The following ANKS1B variants were observed in gnomAD, a reference collection of about 807,000 sequenced individuals.
The protein encoded by ANKS1B is ankyrin repeat and sterile alpha motif domain containing 1B, also known as ankyrin repeat and sterile alpha motif domain-containing protein 1B.
ANKS1B carries 36 observed loss-of-function variants against 148.3 expected under a neutral mutation model. The ratio of observed to expected loss-of-function variants is 0.24; its 90% CI spans 0.19 to 0.32. ANKS1B has a LOEUF of 0.32. ANKS1B is among the 10% of genes least tolerant of loss of function. ANKS1B has a pLI of 1.00. For missense variants in ANKS1B, 1,157 were observed against 1,542.6 expected (o/e 0.75, Z 4.19); for synonymous variants, 542 against 560.8 (o/e 0.97, Z 0.47).
At chr12:99,210,814 A>G (rs2083252373) in intron 14 of ANKS1B, among the ~76,000 whole-genome samples, 1 of 152,222 alleles carries the variant, frequency 6.6e-6, no homozygotes, top group Non-Finnish European at 1.5e-5. Flanking sequence ...AACTCTTGGC[A>G]TTCCTAATAT....
chr12:98,980,846 G>A (rs1454932878), intron 17 of ANKS1B, among the ~76,000 whole-genome samples: 1 of 152,036 alleles, frequency 6.6e-6, no homozygotes, highest in Non-Finnish European at 1.5e-5. Context: ...GCTGTTTTGG[G>A]TTACCCTTCC....
rs2087847935 is a variant in ANKS1B at position 99,332,791 on chromosome 12, C to G, written c.1756+66840G>C. Reference sequence around the variant, plus strand: ...AGAAGGGTGTACAAGGGAGAGGAAACAATCTTAACAAAGGCTCAAGGGCAA... The same window carrying G: ...AGAAGGGTGTACAAGGGAGAGGAAAGAATCTTAACAAAGGCTCAAGGGCAA... On this transcript the variant is annotated intron_variant, in intron 12 of 26. Transcript: ENST00000683438. Among the ~76,000 whole-genome samples the G allele has an allele frequency of 2.0e-5, 3 of 151,462 alleles. No homozygotes were observed. The South Asian group carries it at 6.2e-4, about 31-fold the overall frequency.
At chr12:99,447,445 A>T (rs772775855) in intron 10 of ANKS1B, among the ~76,000 whole-genome samples, 17 of 151,996 alleles carry the variant, frequency 1.1e-4, no homozygotes, top group Non-Finnish European at 2.2e-4. Flanking sequence ...ACCACTCTCT[A>T]AAAAAACATT....
chr12:99,556,984 G>A (rs1053838259), intron 9 of ANKS1B, among the ~76,000 whole-genome samples: 1 of 152,158 alleles, frequency 6.6e-6, no homozygotes, highest in Admixed American at 6.5e-5. Flanking sequence ...TCAAGTTTAG[G>A]TCCCAAATAT....
rs374159852 is a variant in ANKS1B, at chr12:99,903,472, A to G, written c.135-78083T>C. 2.1e-4 allele frequency among the ~76,000 whole-genome samples: 32 copies of G among 152,336 alleles called. No homozygotes were observed. The East Asian group carries it at 2.1e-3, about 10-fold the overall frequency. ...GAAATGCCCTCTGTAATTGGAGGGAATAAGGCTGATACCCAGAGAGAAGCA... is the reference window on the plus strand; with the variant it reads ...GAAATGCCCTCTGTAATTGGAGGGAGTAAGGCTGATACCCAGAGAGAAGCA... On this transcript the variant is annotated intron_variant, in intron 1 of 26. Coordinates refer to ENST00000683438, the MANE Select transcript of ANKS1B (RefSeq NM_001352186.2).
intron 8 of ANKS1B, among the ~76,000 whole-genome samples, chr12:99,741,964 A>AC (rs920279550): frequency 1.3e-5 from 2 of 152,144 alleles, no homozygotes; most frequent in African/African-American, 4.8e-5. Context: ...ATATGGATGG[A>AC]CCTAGAGGCC....
At chr12:99,872,019 A>T (rs547451227) in intron 1 of ANKS1B, among the ~76,000 whole-genome samples, 1 of 152,308 alleles carries the variant, frequency 6.6e-6, no homozygotes, top group Non-Finnish European at 1.5e-5. Flanking sequence ...ATTAACAACT[A>T]TTATTCGTCA....
At chr12:99,788,199 G>A (rs1274084412) in intron 4 of ANKS1B, among the ~76,000 whole-genome samples, 1 of 152,196 alleles carries the variant, frequency 6.6e-6, no homozygotes, top group Non-Finnish European at 1.5e-5. Context: ...CAGTGCAAGT[G>A]CAATTCACAA....
At chr12:99,121,321 A>ATGTG (rs57560069) in intron 15 of ANKS1B, among the ~76,000 whole-genome samples, 6,692 of 142,778 alleles carry the variant, frequency 0.047, 158 homozygotes, top group Non-Finnish European at 0.051. Flanking sequence ...GTATGTAGGT[A>ATGTG]TGTGTGTGTG....
intron 17 of ANKS1B, among the ~76,000 whole-genome samples, chr12:99,018,560 T>C (rs192158039): frequency 5.9e-5 from 9 of 152,352 alleles, no homozygotes. Context: ...TTGGAATTAC[T>C]AGGTTTGGTC....
At chr12:99,139,234 TTCCTTCTC>T (rs1312658130) in intron 15 of ANKS1B, among the ~76,000 whole-genome samples, 2 of 147,592 alleles carry the variant, frequency 1.4e-5, no homozygotes, top group African/African-American at 5.0e-5. Flanking sequence ...CTTTCCTTCC[TTCCTTCTC>T]TCTTTCTTTC....
chr12:99,068,287 C>G (rs993091140), intron 16 of ANKS1B, among the ~76,000 whole-genome samples: 9 of 152,066 alleles, frequency 5.9e-5, no homozygotes, highest in Non-Finnish European at 1.3e-4. Flanking sequence ...TGTCATTGTG[C>G]GAACATCAGA....
chr12:99,296,848 T>C (rs1216006019), intron 12 of ANKS1B, among the ~76,000 whole-genome samples: 3 of 152,162 alleles, frequency 2.0e-5, no homozygotes, highest in Non-Finnish European at 2.9e-5. Flanking sequence ...TGAAAATATA[T>C]AATATTAACT....
At chr12:99,333,854 G>GTTTTGTTTTTTTTTTTTTT (rs2088101830) in intron 12 of ANKS1B, among the ~76,000 whole-genome samples, 1 of 107,484 alleles carries the variant, frequency 9.3e-6, no homozygotes, top group African/African-American at 4.0e-5. Context: ...CCAGTTCTCA[G>GTTTTGTTTTTTTTTTTTTT]TTTTTTTTTT....
intron 9 of ANKS1B, among the ~76,000 whole-genome samples, chr12:99,546,255 G>T (rs2153146191): frequency 6.6e-6 from 1 of 152,218 alleles, no homozygotes; most frequent in African/African-American, 2.4e-5. Flanking sequence ...AAAACAAAGT[G>T]AATTAATCAG....
intron 9 of ANKS1B, among the ~76,000 whole-genome samples, chr12:99,532,880 C>A (rs9634220): frequency 0.44 from 66,839 of 151,906 alleles, 14,885 homozygotes; most frequent in East Asian, 0.55. Flanking sequence ...ACATTTGTCT[C>A]TGTGCCTATT....
At chr12:99,540,429 G>A (rs1439117018) in intron 9 of ANKS1B, among the ~76,000 whole-genome samples, 4 of 151,986 alleles carry the variant, frequency 2.6e-5, no homozygotes, top group Non-Finnish European at 5.9e-5. Flanking sequence ...CCATAAACAA[G>A]TCTCAATACA....
At chr12:99,198,039 G>C (rs1349299845) in intron 14 of ANKS1B, among the ~76,000 whole-genome samples, 1 of 151,866 alleles carries the variant, frequency 6.6e-6, no homozygotes, top group African/African-American at 2.4e-5. Flanking sequence ...CAGCCCACTT[G>C]GTGAACTCCC....
intron 25 of ANKS1B, among the ~76,000 whole-genome samples, chr12:98,761,596 A>G (rs2098407275): frequency 6.6e-6 from 1 of 151,962 alleles, no homozygotes; most frequent in Admixed American, 6.6e-5. Context: ...CCTAATTCAG[A>G]TTTGTGTGTA....
Sources: gnomAD v4.1 joint callset for allele counts (sites outside exome capture counted in the v4.1 genomes callset) on GRCh38, gnomAD v4.1.1 for gene constraint, MANE v1.5 for transcripts, NCBI Gene and HGNC (gene_info 2026-07-23, HGNC 2026-07-21) for gene names.